PITPNM2: variants seen among roughly 807,000 people sequenced by gnomAD.
PITPNM2 encodes phosphatidylinositol transfer protein membrane associated 2.
In PITPNM2, 35 loss-of-function variants were observed where a neutral mutation model predicts 132.2. The ratio of observed to expected loss-of-function variants is 0.26; its 90% CI spans 0.20 to 0.35. The LOEUF (loss-of-function observed/expected upper bound fraction) is 0.35. Ranked by LOEUF, PITPNM2 falls within the 10% of genes least tolerant of loss-of-function variation. The pLI is 1.00. For missense variants in PITPNM2, 1,332 were observed against 1,912.0 expected, an observed-to-expected ratio of 0.70 and a Z score of 5.66; for synonymous variants, 738 against 799.2, an observed-to-expected ratio of 0.92 and a Z score of 1.29.
chr12:123,094,815 C>T (rs943944296), intron 2 of PITPNM2, among the ~76,000 whole-genome samples: 3 of 152,218 alleles, frequency 2.0e-5, no homozygotes, highest in Non-Finnish European at 4.4e-5. Flanking sequence ...ACTGACCGAC[C>T]TCCTGGCTCT....
intron 1 of PITPNM2, among the ~76,000 whole-genome samples, chr12:123,128,783 G>A (rs1343877693): frequency 1.3e-5 from 2 of 150,902 alleles, no homozygotes; most frequent in South Asian, 2.1e-4. Flanking sequence ...AGTAGCTACC[G>A]ATGGGAGATA....
chr12:123,131,069 C>T (rs1260278866), intron 1 of PITPNM2, among the ~76,000 whole-genome samples: 1 of 152,206 alleles, frequency 6.6e-6, no homozygotes, highest in Non-Finnish European at 1.5e-5. Context: ...CACATTCATT[C>T]ATTCATTCAA....
Position 123,097,665 on chromosome 12 carries a change from C to T in PITPNM2, c.-96+12720G>A, listed in dbSNP as rs1054686366. ...CCTCACTTGCCTGCCTGCCTGCCTT[C>T]CTTGCCTGCCTGTCTGCCTTCCACT... On this transcript the variant is annotated intron_variant, in intron 2 of 25. Transcript: ENST00000320201. This position sits in a 1 kb window ranked among gnomAD's most constrained non-coding sequence, Gnocchi z 4.7. Among the ~76,000 whole-genome samples the T allele has an allele frequency of 6.6e-6, 1 of 152,220 alleles. No individual in the cohort carries two copies. The highest frequency in any genetic ancestry group is 2.4e-5 in the African/African-American group (1 of 41,460).
At position 122,987,791 on chromosome 12, in the gene PITPNM2, C is replaced by T. The variant is rs2038000694; in HGVS notation, c.3108G>A (p.Gly1036=). 6.2e-7 allele frequency: 1 copy of T among 1,614,002 alleles called. No homozygotes were observed. The highest frequency in any genetic ancestry group is 8.5e-7 in the Non-Finnish European group (1 of 1,180,002). ...CTACCCGCCGTGTCCTTACCTTCTC[C>T]CCAGTCAGGGTGACCATGTCCAGGG... is the stretch of plus-strand genomic sequence containing the variant. The part of the protein sequence containing the change: ...YGPLDMVTLT[G]EKVDVHIMTQ... The change falls in exon 21 of 26, where the codon GGG becomes GGA. Residue 1036 remains glycine (G), a synonymous_variant. Coordinates refer to ENST00000320201, the MANE Select transcript of PITPNM2 (RefSeq NM_020845.3).
chr12:122,987,626 C>T lies in PITPNM2; in HGVS notation c.3148G>A (p.Gly1050Ser), dbSNP rs34437918. Reference sequence around the variant, plus strand: ...AGCGTATCCAGGTAGAGCCACTCGCCTGAGGGCGGCTGGGTCATGATGTGC... The same window carrying T: ...AGCGTATCCAGGTAGAGCCACTCGCTTGAGGGCGGCTGGGTCATGATGTGC... ...DVHIMTQPPS[G>S]EWLYLDTLVT... is the part of the protein sequence containing the mutation. Residue 1050 changes from glycine to serine, a missense_variant, in exon 22 of 26, where the codon GGC becomes AGC. Physicochemically the swap from Gly to Ser is moderately conservative, Grantham distance 56 (BLOSUM62 0). Around this residue, in one of 6 missense-constraint regions of PITPNM2, gnomAD observed 251 missense variants for 472.0 expected, o/e 0.53. Transcript: ENST00000320201. 1.9e-5 allele frequency: 30 copies of T among 1,613,644 alleles called. No homozygotes were observed. In the African/African-American group the frequency reaches 3.5e-4, roughly 19 times the overall value.
intron 2 of PITPNM2, chr12:123,091,912 G>A (rs2042279398): frequency 6.6e-6 from 1 of 152,584 alleles, no homozygotes. Flanking sequence ...CTCTCACCCT[G>A]CCTTGTGGGG....
intron 2 of PITPNM2, among the ~76,000 whole-genome samples, chr12:123,037,141 T>C (rs1348697665): frequency 6.6e-6 from 1 of 152,216 alleles, no homozygotes; most frequent in East Asian, 1.9e-4. Flanking sequence ...AGGCTGCACC[T>C]TATCCTGTGA....
At chr12:123,040,430 A>G (rs879372827) in intron 2 of PITPNM2, among the ~76,000 whole-genome samples, 5 of 152,156 alleles carry the variant, frequency 3.3e-5, no homozygotes, top group Admixed American at 6.5e-5. Flanking sequence ...TCAATAATAT[A>G]CCAAAACCAT....
At chr12:123,044,100 A>G (rs1341684544) in intron 2 of PITPNM2, among the ~76,000 whole-genome samples, 1 of 152,178 alleles carries the variant, frequency 6.6e-6, no homozygotes, top group Non-Finnish European at 1.5e-5. Flanking sequence ...CCCTTAAACA[A>G]AATGCCACGG....
At chr12:123,017,714 A>G (rs2039483268) in intron 3 of PITPNM2, among the ~76,000 whole-genome samples, 1 of 152,266 alleles carries the variant, frequency 6.6e-6, no homozygotes, top group Admixed American at 6.5e-5. Flanking sequence ...TACATACCAC[A>G]ACATGGATGA....
rs765444562 is a variant in PITPNM2, at chr12:123,012,695, A to G, written c.333T>C (p.Ile111=). 1 of 1,614,128 alleles carries G rather than the reference A, an allele frequency of 6.2e-7. No individual in the cohort carries two copies. The highest frequency in any genetic ancestry group is 1.3e-5 in the African/African-American group (1 of 75,044). The change falls in exon 5 of 26, where the codon ATT becomes ATC. Residue 111 remains isoleucine, a synonymous_variant. Coordinates refer to ENST00000320201, the MANE Select transcript of PITPNM2 (RefSeq NM_020845.3). ...CAGCATCAGTTTTATAAAAGGTTTC[A>G]ATGTCGATGGAGAATTTCTCCACGA... is the stretch of plus-strand genomic sequence containing the variant. ...CPFVEKFSID[I]ETFYKTDAGE...
At chr12:123,050,858 G>A (rs965679876) in intron 2 of PITPNM2, among the ~76,000 whole-genome samples, 1 of 152,130 alleles carries the variant, frequency 6.6e-6, no homozygotes, top group Admixed American at 6.5e-5. Flanking sequence ...TCCAGGGAGG[G>A]AAACAGGGAA....
At chr12:123,006,572 G>T (rs1453747429) in intron 6 of PITPNM2, among the ~76,000 whole-genome samples, 3 of 151,058 alleles carry the variant, frequency 2.0e-5, no homozygotes, top group African/African-American at 7.3e-5. Flanking sequence ...AATTAGCCAG[G>T]CGTGGTGGTG....
In PITPNM2 at chr12:123,012,591, GGGCTCTGCCCTTCCT is replaced by G; in HGVS notation, c.415+7_415+21del. On this transcript the variant is annotated splice_region_variant and intron_variant, in intron 5 of 25. Transcript: ENST00000320201. ...AGGAAACCCAGAGTACAGCCCTGTG[GGGCTCTGCCCTTCCT>G]GGTTACCGATTGTCAGCTGGTTCTT... The G allele has an allele frequency of 6.2e-7, 1 of 1,613,654 alleles. No homozygotes were observed. Among genetic ancestry groups the G allele is most frequent in the Non-Finnish European group, 8.5e-7 (1 of 1,179,626 alleles).
In PITPNM2 at chr12:123,111,906, A is replaced by T. The variant is rs959577627; in HGVS notation, c.-199-1418T>A. On this transcript the variant is annotated intron_variant, in intron 1 of 25. Transcript: ENST00000320201. The surrounding 1 kb of genome is among the most constrained non-coding windows in gnomAD (Gnocchi z 4.1). ...AGGCCAGCAACTCTGAAGTCTCCCCATGTTCGAGGTGAGGAAAGCTGTTGA... is the reference window on the plus strand; with the variant it reads ...AGGCCAGCAACTCTGAAGTCTCCCCTTGTTCGAGGTGAGGAAAGCTGTTGA... 6.6e-6 allele frequency among the ~76,000 whole-genome samples: 1 copy of T among 152,112 alleles called. No homozygotes were observed. The highest frequency in any genetic ancestry group is 1.5e-5 in the Non-Finnish European group (1 of 68,004).
At chr12:123,146,248 C>G (rs1213227853) in intron 1 of PITPNM2, among the ~76,000 whole-genome samples, 1 of 152,102 alleles carries the variant, frequency 6.6e-6, no homozygotes, top group Non-Finnish European at 1.5e-5. Flanking sequence ...GTATAACAAG[C>G]CCTCATGACA....
In PITPNM2 at chr12:123,046,993, T is replaced by C. The variant is rs1028032689; in HGVS notation, c.-95-12308A>G. ...TTTATATACATATGCACCCCTAGCATTGATAATAGCATTTTATGACTTACA... is the reference window on the plus strand; with the variant it reads ...TTTATATACATATGCACCCCTAGCACTGATAATAGCATTTTATGACTTACA... On this transcript the variant is annotated intron_variant, in intron 2 of 25. Transcript: ENST00000320201. Among the ~76,000 whole-genome samples the C allele has an allele frequency of 2.6e-5, 4 of 152,230 alleles. No homozygotes were observed. The East Asian group carries it at 5.8e-4, about 22-fold the overall frequency.
At chr12:123,014,749 T>C (rs971579842) in intron 3 of PITPNM2, among the ~76,000 whole-genome samples, 4 of 152,062 alleles carry the variant, frequency 2.6e-5, no homozygotes, top group Non-Finnish European at 4.4e-5. Flanking sequence ...ATAAGAGGCA[T>C]CCAAATTGGA....
rs889778342 is a variant in PITPNM2 at position 123,129,039 on chromosome 12, G to T, written c.-199-18551C>A. Among the ~76,000 whole-genome samples, 4 of 151,974 alleles carry T rather than the reference G, an allele frequency of 2.6e-5. No homozygotes were observed. In the South Asian group the frequency reaches 6.2e-4, roughly 24 times the overall value. On this transcript the variant is annotated intron_variant, in intron 1 of 25. Coordinates refer to ENST00000320201, the MANE Select transcript of PITPNM2 (RefSeq NM_020845.3). ...AATTACAGCTACTCAGGAGGCTGAG[G>T]CAGAAGAATTGCTTGAACCCGGGAG...
Sources: gnomAD v4.1 joint callset for allele counts (sites outside exome capture counted in the v4.1 genomes callset) on GRCh38, gnomAD v4.1.1 for gene constraint, gnomAD v4.1.1 regional missense constraint, Gnocchi (gnomAD v3.1) non-coding constraint, MANE v1.5 for transcripts, NCBI Gene and HGNC (gene_info 2026-07-23, HGNC 2026-07-21) for gene names.